WASHC2A: variants seen among roughly 807,000 people sequenced by gnomAD.
WASHC2A encodes the protein WASH complex subunit 2A, also known as WASH complex subunit FAM21A.
WASHC2A carries 82 observed loss-of-function variants against 140.3 expected under a neutral mutation model. The ratio of observed to expected loss-of-function variants is 0.58; its 90% CI spans 0.49 to 0.70. The LOEUF is 0.70. WASHC2A is among the 30% of genes least tolerant of loss of function. WASHC2A has a pLI of 0.00. For synonymous variants in WASHC2A, 340 were observed against 560.8 expected (o/e 0.61, Z 5.56); for missense variants, 985 against 1,521.8 (o/e 0.65, Z 5.87).
At chr10:50,075,051 G>A (rs577816763) in intron 3 of WASHC2A, among the ~76,000 whole-genome samples, 3 of 148,602 alleles carry the variant, frequency 2.0e-5, no homozygotes. Context: ...TCTAGATGAC[G>A]GTATGTGTGT....
chr10:50,072,646 C>A (rs1355357115), intron 3 of WASHC2A, among the ~76,000 whole-genome samples: 1 of 151,938 alleles, frequency 6.6e-6, no homozygotes, highest in African/African-American at 2.4e-5. Flanking sequence ...GCCACCACAC[C>A]TGGCTAATTT....
intron 20 of WASHC2A, 82 bp downstream of exon 20, chr10:50,110,352 G>C: frequency 1.3e-6 from 2 of 1,578,844 alleles, no homozygotes; most frequent in Admixed American, 3.4e-5. Context: ...CTAGTTCATC[G>C]GGTGATTGCT....
chr10:50,099,196 A>C (rs1840807855), intron 16 of WASHC2A, among the ~76,000 whole-genome samples: 1 of 150,542 alleles, frequency 6.6e-6, no homozygotes, highest in Admixed American at 6.6e-5. Flanking sequence ...TCCTTCCCCG[A>C]TTTTTAGTAT....
intron 19 of WASHC2A, among the ~76,000 whole-genome samples, chr10:50,108,889 GAAAAAAAAAAAAAA>G (rs1182148936): frequency 4.0e-5 from 3 of 75,648 alleles, no homozygotes; most frequent in Admixed American, 1.7e-4. Flanking sequence ...CTCGAAAAAG[GAAAAAAAAAAAAAA>G]AAAAAAAAAG....
In WASHC2A at chr10:50,097,657, C is replaced by G. The variant is rs1171045590; in HGVS notation, c.1421-18C>G. 2 of 1,570,016 alleles carry G rather than the reference C, an allele frequency of 1.3e-6. No individual in the cohort carries two copies. Among genetic ancestry groups the G allele is most frequent in the Non-Finnish European group, 1.7e-6 (2 of 1,154,426 alleles). On this transcript the variant is annotated intron_variant, in intron 15 of 30. Transcript: ENST00000282633. ...TGTTTGACGTTAGTGTCATTTTATG[C>G]CTTGGTATTTTTTACAGGCAAAGTC... is the stretch of plus-strand genomic sequence containing the variant.
chr10:50,106,192 T>G, intron 18 of WASHC2A, 142 bp from the exon 19 acceptor site: 1 of 1,028,108 alleles, frequency 9.7e-7, no homozygotes, highest in African/African-American at 1.6e-5. Context: ...TGGGATTTAC[T>G]AGCATTTTGC....
Position 50,130,016 on chromosome 10 carries a change from T to A in WASHC2A, c.3685T>A (p.Leu1229Ile). The part of the protein sequence containing the change: ...TKSNSQQDVI[L>I]TTQDIFEDDI... ...ATCCAATAGTCAGCAGGATGTCATA[T>A]TAACAACACAAGATATTTTTGAGGT... The change falls in exon 29 of 31, where the codon TTA (leucine) becomes ATA (isoleucine). Residue 1229 changes from leucine (L) to isoleucine (I), a missense_variant. Coordinates refer to ENST00000282633, the MANE Select transcript of WASHC2A (RefSeq NM_001005751.3). 6.2e-7 allele frequency: 1 copy of A among 1,611,966 alleles called. No homozygotes were observed. Among genetic ancestry groups the A allele is most frequent in the East Asian group, 2.2e-5 (1 of 44,858 alleles).
At chr10:50,130,243 C>A (rs1229296624) in intron 29 of WASHC2A, among the ~76,000 whole-genome samples, 1 of 150,326 alleles carries the variant, frequency 6.7e-6, no homozygotes, top group African/African-American at 2.4e-5. Context: ...GATTGTATTT[C>A]TTGGCTGGCC....
In WASHC2A at chr10:50,090,866, A is replaced by G; in HGVS notation, c.823A>G (p.Ile275Val). ...GAAGGAGGAGGAAGATATTGAGGAC[A>G]TTGAAGAAAATACTAGACCTGTAAG... ...SEKEEEDIED[I>V]EENTRPKRSR... is the part of the protein sequence containing the mutation. The change falls in exon 9 of 31, where the codon ATT becomes GTT. Residue 275 changes from isoleucine to valine, a missense_variant. By Grantham distance (29) the Ile-to-Val change is conservative (BLOSUM62 3). Transcript: ENST00000282633. The G allele has an allele frequency of 2.5e-6, 4 of 1,611,552 alleles. No homozygotes were observed. The highest frequency in any genetic ancestry group is 2.5e-6 in the Non-Finnish European group (3 of 1,179,772).
In WASHC2A at chr10:50,091,445, T is replaced by C. The variant is rs1839914884; in HGVS notation, c.858T>C (p.Pro286=). 2.6e-6 allele frequency: 4 copies of C among 1,550,128 alleles called. No homozygotes were observed. In the East Asian group the frequency reaches 9.7e-5, roughly 38 times the overall value. Reference sequence around the variant, plus strand: ...TCCTGCTGTAGAAAAGAAGCAGACCTACATCGTTTGCAGATGAGCTGGCTG... The same window carrying C: ...TCCTGCTGTAGAAAAGAAGCAGACCCACATCGTTTGCAGATGAGCTGGCTG... ...EENTRPKRSR[P]TSFADELAAR... is the part of the protein sequence containing the mutation. Residue 286 remains proline, a synonymous_variant, in exon 10 of 31, where the codon CCT becomes CCC. Coordinates refer to ENST00000282633, the MANE Select transcript of WASHC2A (RefSeq NM_001005751.3).
Position 50,118,101 on chromosome 10 carries a change from G to A in WASHC2A, c.2295+43G>A, listed in dbSNP as rs1189877433. On this transcript the variant is annotated intron_variant, in intron 22 of 30. Transcript: ENST00000282633. ...GTATACTTGAATGCATTTGTCTCTCGTATGTTGTTTCAAACACACACAACC... is the reference window on the plus strand; with the variant it reads ...GTATACTTGAATGCATTTGTCTCTCATATGTTGTTTCAAACACACACAACC... The A allele has an allele frequency of 1.6e-5, 26 of 1,591,298 alleles. 1 individual carries two copies. Among genetic ancestry groups the A allele is most frequent in the East Asian group, 4.5e-5 (2 of 44,626 alleles).
intron 28 of WASHC2A, among the ~76,000 whole-genome samples, chr10:50,128,642 A>C (rs2669767): frequency 0.61 from 92,566 of 151,756 alleles, 28,374 homozygotes; most frequent in South Asian, 0.71. Context: ...TTCCTTTTAA[A>C]GAGAATTTTC....
intron 4 of WASHC2A, among the ~76,000 whole-genome samples, chr10:50,079,283 A>G (rs1589157382): frequency 6.6e-6 from 1 of 152,268 alleles, no homozygotes; most frequent in East Asian, 1.9e-4. Context: ...GTCAGCAATT[A>G]TTACTTGTAA....
intron 17 of WASHC2A, among the ~76,000 whole-genome samples, chr10:50,101,407 A>G (rs1443597196): frequency 4.6e-5 from 7 of 152,290 alleles, no homozygotes. Flanking sequence ...GCTAGCACAT[A>G]CCACGCTGTG....
In WASHC2A at chr10:50,068,147, G is replaced by C. The variant is rs782302579; in HGVS notation, c.46G>C (p.Glu16Gln). 3 of 1,602,398 alleles carry C rather than the reference G, an allele frequency of 1.9e-6. No homozygotes were observed. The African/African-American group carries it at 4.1e-5, about 22-fold the overall frequency. The change falls in exon 2 of 31, where the codon GAG becomes CAG. Residue 16 changes from glutamate to glutamine, a missense_variant. Glu to Gln is a conservative substitution (Grantham distance 29, BLOSUM62 2). Transcript: ENST00000282633. ...CGACCAGGAGCTGGCGCCAGCGTCG[G>C]AGCCCGTGTGGGAGCGGCCGTGGTC... ...TPDQELAPAS[E>Q]PVWERPWSVE...
chr10:50,101,563 C>A (rs1554886793), intron 17 of WASHC2A, among the ~76,000 whole-genome samples: 1 of 152,298 alleles, frequency 6.6e-6, no homozygotes, highest in Non-Finnish European at 1.5e-5. Flanking sequence ...ATCCCTAACA[C>A]CCCGTCCTTA....
At chr10:50,069,961 A>C (rs1352061161) in intron 3 of WASHC2A, among the ~76,000 whole-genome samples, 3 of 152,172 alleles carry the variant, frequency 2.0e-5, no homozygotes, top group African/African-American at 7.2e-5. Flanking sequence ...TCGTTTTGAG[A>C]GTAGTCAGCA....
rs782244722 is a variant in WASHC2A at position 50,087,334 on chromosome 10, A to G, written c.732+12A>G. 8.1e-6 allele frequency: 13 copies of G among 1,613,984 alleles called. No homozygotes were observed. Among genetic ancestry groups the G allele is most frequent in the Middle Eastern group, 3.3e-4 (2 of 6,056 alleles). ...ATGAACAAAACCGGGTAAGGCTCAT[A>G]TATTGAAATGACTTTGTTTTTACAT... On this transcript the variant is annotated intron_variant, in intron 8 of 30. Coordinates refer to ENST00000282633, the MANE Select transcript of WASHC2A (RefSeq NM_001005751.3).
chr10:50,095,881 T>C (rs1840455594), intron 15 of WASHC2A, 103 bp downstream of exon 15: 2 of 1,480,130 alleles, frequency 1.4e-6, no homozygotes, highest in Non-Finnish European at 1.8e-6. Flanking sequence ...AGTGCCAGAA[T>C]CCCTTCTCCA....
Sources: allele counts gnomAD v4.1 joint callset (sites outside exome capture counted in the v4.1 genomes callset), GRCh38; gene constraint gnomAD v4.1.1; transcripts MANE v1.5; gene names NCBI Gene and HGNC (gene_info 2026-07-23, HGNC 2026-07-21).